The following TANC2 variants were observed in gnomAD, a reference collection of about 807,000 sequenced individuals.
The protein encoded by TANC2 is protein TANC2.
In TANC2, 26 loss-of-function variants were observed where a neutral mutation model predicts 210.5. The ratio of observed to expected loss-of-function variants is 0.12; its 90% CI spans 0.09 to 0.17. The LOEUF is 0.17. Ranked by LOEUF, TANC2 falls within the 10% of genes least tolerant of loss-of-function variation. The pLI, the probability that TANC2 is intolerant of heterozygous loss-of-function variation, is 1.00. For synonymous variants in TANC2, 931 were observed against 967.1 expected (o/e 0.96, Z 0.69); for missense variants, 2,129 against 2,608.9 (o/e 0.82, Z 4.01).
chr17:62,990,603 G>T (rs988177628), intron 1 of TANC2, among the ~76,000 whole-genome samples: 68 of 152,100 alleles, frequency 4.5e-4, no homozygotes, highest in African/African-American at 1.6e-3. Flanking sequence ...ATTTTTTAAA[G>T]ACGGGAGCAT....
chr17:63,086,691 G>T (rs972389431), intron 3 of TANC2, among the ~76,000 whole-genome samples: 1 of 152,276 alleles, frequency 6.6e-6, no homozygotes, highest in African/African-American at 2.4e-5. Flanking sequence ...CTGTTGAGAG[G>T]TGAAGCCAGC....
intron 3 of TANC2, among the ~76,000 whole-genome samples, chr17:63,075,846 T>C (rs2036554442): frequency 6.6e-6 from 1 of 151,944 alleles, no homozygotes; most frequent in Admixed American, 6.6e-5. Flanking sequence ...AAACTATCAA[T>C]AATGAGTTGA....
chr17:63,240,587 T>G (rs2042747605), intron 8 of TANC2, among the ~76,000 whole-genome samples: 2 of 152,144 alleles, frequency 1.3e-5, no homozygotes, highest in Non-Finnish European at 2.9e-5. Context: ...TCTAGTTGTA[T>G]CCTGTACCTT....
intron 27 of TANC2, among the ~76,000 whole-genome samples, chr17:63,419,486 A>G (rs559629523): frequency 8.5e-4 from 130 of 152,348 alleles, no homozygotes; most frequent in African/African-American, 2.9e-3. Flanking sequence ...AGACACAGCA[A>G]TTCTGAGAGA....
At chr17:63,243,732 T>C (rs1439935996) in intron 8 of TANC2, among the ~76,000 whole-genome samples, 2 of 152,212 alleles carry the variant, frequency 1.3e-5, no homozygotes, top group African/African-American at 2.4e-5. Context: ...GGTAGTTACA[T>C]GGATTTATAC....
intron 5 of TANC2, chr17:63,153,831 T>A (rs1371612448): frequency 6.6e-6 from 1 of 152,166 alleles, no homozygotes; most frequent in African/African-American, 2.4e-5. Flanking sequence ...ATATTTTTCT[T>A]GGTATGTCTT....
chr17:63,061,577 A>G (rs1046996581), intron 2 of TANC2, among the ~76,000 whole-genome samples: 1 of 152,106 alleles, frequency 6.6e-6, no homozygotes, highest in African/African-American at 2.4e-5. Flanking sequence ...ATATATGTCT[A>G]TGTATGCATA....
chr17:63,269,786 C>CT (rs1248316912), intron 9 of TANC2, among the ~76,000 whole-genome samples: 1 of 152,218 alleles, frequency 6.6e-6, no homozygotes, highest in East Asian at 1.9e-4. Flanking sequence ...CAACAAAGAT[C>CT]TTTTCCATTG....
chr17:63,096,984 T>C (rs1000427085), intron 3 of TANC2, among the ~76,000 whole-genome samples: 10 of 152,272 alleles, frequency 6.6e-5, no homozygotes, highest in African/African-American at 1.9e-4. Flanking sequence ...TTACATGTTC[T>C]TGTTGGCCAT....
intron 19 of TANC2, 44 bp from the exon 20 acceptor site, chr17:63,405,078 A>G (rs1208497647): frequency 6.5e-7 from 1 of 1,540,368 alleles, no homozygotes; most frequent in Non-Finnish European, 8.9e-7. Flanking sequence ...AGCGCTGGAG[A>G]GGACCAGAAC....
intron 8 of TANC2, among the ~76,000 whole-genome samples, chr17:63,255,056 A>ATTTT (rs1161201808): frequency 4.4e-4 from 62 of 141,140 alleles, no homozygotes; most frequent in African/African-American, 1.4e-3. Flanking sequence ...GGGAATAGTT[A>ATTTT]TTTTTTATTT....
At chr17:63,409,697 T>C (rs1206184069) in intron 21 of TANC2, among the ~76,000 whole-genome samples, 1 of 152,208 alleles carries the variant, frequency 6.6e-6, no homozygotes, top group African/African-American at 2.4e-5. Flanking sequence ...GCTCCTAGGC[T>C]ACAAACCTGT....
intron 14 of TANC2, among the ~76,000 whole-genome samples, chr17:63,378,266 GA>G (rs1178691417): frequency 1.3e-5 from 2 of 152,158 alleles, no homozygotes; most frequent in Non-Finnish European, 2.9e-5. Context: ...CACTATGGAA[GA>G]TATAAGTAAT....
chr17:63,024,998 T>G (rs560705465), intron 2 of TANC2, among the ~76,000 whole-genome samples: 1 of 152,224 alleles, frequency 6.6e-6, no homozygotes, highest in Non-Finnish European at 1.5e-5. Flanking sequence ...AGAAATACTT[T>G]GAGAAATTTG....
intron 1 of TANC2, among the ~76,000 whole-genome samples, chr17:62,990,129 G>A (rs982750218): frequency 1.3e-5 from 2 of 152,052 alleles, no homozygotes; most frequent in African/African-American, 4.8e-5. Flanking sequence ...AATAAAGGAT[G>A]GTTGAGCAAC....
chr17:63,197,117 A>C (rs531139964), intron 6 of TANC2, among the ~76,000 whole-genome samples: 38 of 152,338 alleles, frequency 2.5e-4, no homozygotes, highest in African/African-American at 8.9e-4. Context: ...TATAGTTAGT[A>C]TATAAATATA....
chr17:63,030,292 A>C (rs1239879627), intron 2 of TANC2, among the ~76,000 whole-genome samples: 1 of 152,186 alleles, frequency 6.6e-6, no homozygotes, highest in African/African-American at 2.4e-5. Context: ...ATACTGAGAC[A>C]TTGAAGGGGA....
intron 8 of TANC2, among the ~76,000 whole-genome samples, chr17:63,255,903 CTTTT>C (rs1170508286): frequency 4.7e-5 from 4 of 84,274 alleles, no homozygotes; most frequent in Admixed American, 2.4e-4. Context: ...TTTGACTTTT[CTTTT>C]TTTTTTTTTT....
chr17:63,005,744 G>A lies in TANC2; in HGVS notation c.-23-3793G>A, dbSNP rs141130572. On this transcript the variant is annotated intron_variant, in intron 1 of 27. Coordinates refer to ENST00000689528, the Ensembl canonical transcript of TANC2. ...TCTCTTTTCTTATAATATCTGTAAG[G>A]TTTTGGGATTAATATCATGCAATAC... Among the ~76,000 whole-genome samples, 77 of 152,094 alleles carry A rather than the reference G, an allele frequency of 5.1e-4. 1 individual carries two copies. Among genetic ancestry groups the A allele is most frequent in the African/African-American group, 1.9e-3 (77 of 41,504 alleles).
Sources: allele counts gnomAD v4.1 joint callset (sites outside exome capture counted in the v4.1 genomes callset), GRCh38; gene constraint gnomAD v4.1.1; transcripts MANE v1.5; gene names NCBI Gene and HGNC (gene_info 2026-07-23, HGNC 2026-07-21).